The following CTNNA3 variants were observed in gnomAD, a reference collection of about 807,000 sequenced individuals.
The protein encoded by CTNNA3 is catenin alpha-3.
Under a neutral mutation model 95.7 loss-of-function variants are expected in CTNNA3, and 76 were observed. The observed-to-expected ratio is 0.79, with a 90% confidence interval of 0.66 to 0.96. CTNNA3 has a LOEUF of 0.96. Among genes scored for constraint, CTNNA3 ranks in the 40% least tolerant of loss-of-function variants. The pLI, the probability that CTNNA3 is intolerant of heterozygous loss-of-function variation, is 0.00. For missense variants in CTNNA3, 1,191 were observed against 1,089.8 expected (o/e 1.09, Z -1.31); for synonymous variants, 431 against 374.4 (o/e 1.15, Z -1.74).
At chr10:67,607,399 A>C (rs1294349175) in intron 2 of CTNNA3, among the ~76,000 whole-genome samples, 5 of 152,182 alleles carry the variant, frequency 3.3e-5, no homozygotes, top group South Asian at 4.1e-4. Flanking sequence ...AACATAATTA[A>C]ATAAATCAAC....
intron 7 of CTNNA3, among the ~76,000 whole-genome samples, chr10:67,139,527 C>T (rs1215458358): frequency 6.6e-6 from 1 of 151,902 alleles, no homozygotes. Flanking sequence ...ATTCTCCTGC[C>T]TCAGCCTCCT....
intron 7 of CTNNA3, among the ~76,000 whole-genome samples, chr10:66,790,482 G>A (rs1443780391): frequency 6.6e-6 from 1 of 152,060 alleles, no homozygotes; most frequent in Admixed American, 6.6e-5. Context: ...CAATTAACAA[G>A]TAAAGGTGTA....
intron 1 of CTNNA3, among the ~76,000 whole-genome samples, chr10:67,725,194 G>C (rs62769062): frequency 0.06 from 6,465 of 107,732 alleles, 208 homozygotes; most frequent in African/African-American, 0.13. Flanking sequence ...TTTTTTTTTT[G>C]AGACGGGAGT....
chr10:67,378,959 T>C (rs1843805953), intron 5 of CTNNA3, among the ~76,000 whole-genome samples: 1 of 152,200 alleles, frequency 6.6e-6, no homozygotes, highest in Non-Finnish European at 1.5e-5. Flanking sequence ...ACATTTCTGT[T>C]GCCATTTGTC....
intron 7 of CTNNA3, among the ~76,000 whole-genome samples, chr10:67,025,270 T>G (rs1853297582): frequency 1.3e-5 from 2 of 151,902 alleles, no homozygotes; most frequent in Admixed American, 1.3e-4. Flanking sequence ...AACTAAATTC[T>G]GGTATATTTG....
At chr10:65,949,750 T>C (rs1184320953) in intron 17 of CTNNA3, among the ~76,000 whole-genome samples, 2 of 152,182 alleles carry the variant, frequency 1.3e-5, no homozygotes, top group African/African-American at 4.8e-5. Flanking sequence ...AGCGATTGGT[T>C]GTCAGAGCAT....
At chr10:67,647,751 C>A (rs553816447) in intron 1 of CTNNA3, among the ~76,000 whole-genome samples, 1 of 152,280 alleles carries the variant, frequency 6.6e-6, no homozygotes, top group South Asian at 2.1e-4. Flanking sequence ...TTAATCTACA[C>A]AAGTATGTTC....
intron 7 of CTNNA3, among the ~76,000 whole-genome samples, chr10:66,830,649 G>A (rs1021916518): frequency 6.7e-6 from 1 of 148,778 alleles, no homozygotes; most frequent in African/African-American, 2.5e-5. Flanking sequence ...TAGCTCTGTT[G>A]CCCAGGCTGG....
In CTNNA3 at chr10:65,919,271, C is replaced by T. The variant is rs1458606540; in HGVS notation, c.*1059G>A. 6.6e-6 allele frequency: 1 copy of T among 152,064 alleles called. No homozygotes were observed. Among genetic ancestry groups the T allele is most frequent in the Non-Finnish European group, 1.5e-5 (1 of 68,002 alleles). 9.4% of individuals were successfully genotyped at this position (152,064 alleles called of 1,614,324 possible). On this transcript the variant is annotated 3_prime_UTR_variant, in exon 18 of 18. Coordinates refer to ENST00000433211, the MANE Select transcript of CTNNA3 (RefSeq NM_013266.4). ...CACAGTGACTGGAGTTGTAAAATGA[C>T]CCCAGTGACTTTTATTTAAAAGAAC...
chr10:66,825,410 G>A (rs1031153360), intron 7 of CTNNA3, among the ~76,000 whole-genome samples: 1 of 151,192 alleles, frequency 6.6e-6, no homozygotes, highest in African/African-American at 2.4e-5. Context: ...CAAGTAGCTG[G>A]GATTATAGCT....
chr10:66,896,149 C>G (rs771518727), intron 7 of CTNNA3, among the ~76,000 whole-genome samples: 3 of 151,832 alleles, frequency 2.0e-5, no homozygotes, highest in Non-Finnish European at 2.9e-5. Flanking sequence ...ACAATGCATA[C>G]AATAGGAACA....
intron 5 of CTNNA3, among the ~76,000 whole-genome samples, chr10:67,233,769 A>T (rs1188182486): frequency 1.2e-4 from 18 of 151,780 alleles, no homozygotes; most frequent in Non-Finnish European, 2.2e-4. Flanking sequence ...CGCTAGCAAG[A>T]CTAATAAAGA....
chr10:66,616,274 G>C (rs1057238703), intron 10 of CTNNA3, among the ~76,000 whole-genome samples: 2 of 152,052 alleles, frequency 1.3e-5, no homozygotes, highest in Admixed American at 1.3e-4. Context: ...GCAGTGTTGA[G>C]AAACTCCAAA....
chr10:66,260,937 C>A (rs1455966714), intron 13 of CTNNA3, among the ~76,000 whole-genome samples: 1 of 152,086 alleles, frequency 6.6e-6, no homozygotes, highest in African/African-American at 2.4e-5. Flanking sequence ...GCGGCCAAGA[C>A]AAAAGTACCT....
intron 13 of CTNNA3, among the ~76,000 whole-genome samples, chr10:66,109,681 C>T (rs1356438005): frequency 2.0e-5 from 3 of 151,886 alleles, no homozygotes; most frequent in African/African-American, 7.3e-5. Context: ...AAGTCATATC[C>T]CATATAATAA....
chr10:66,883,409 C>T (rs1844920705), intron 7 of CTNNA3, among the ~76,000 whole-genome samples: 1 of 152,078 alleles, frequency 6.6e-6, no homozygotes, highest in African/African-American at 2.4e-5. Context: ...TGATTCCTAC[C>T]ATTTAGAAAG....
intron 5 of CTNNA3, among the ~76,000 whole-genome samples, chr10:67,508,085 C>A (rs1043245078): frequency 5.3e-5 from 8 of 152,108 alleles, no homozygotes; most frequent in Non-Finnish European, 8.8e-5. Context: ...GCAATTGTAG[C>A]TCATTACAAC....
intron 5 of CTNNA3, among the ~76,000 whole-genome samples, chr10:67,275,586 AG>A (rs1490985127): frequency 6.6e-6 from 1 of 152,196 alleles, no homozygotes; most frequent in Non-Finnish European, 1.5e-5. Context: ...GAAAATGATA[AG>A]GATAAAATCA....
chr10:67,319,726 T>C (rs1295591582), intron 5 of CTNNA3, among the ~76,000 whole-genome samples: 1 of 151,796 alleles, frequency 6.6e-6, no homozygotes, highest in Admixed American at 6.6e-5. Flanking sequence ...TAAAACTCCA[T>C]CTCTAATGAA....
Sources: allele counts gnomAD v4.1 joint callset (sites outside exome capture counted in the v4.1 genomes callset), GRCh38; gene constraint gnomAD v4.1.1; transcripts MANE v1.5; gene names NCBI Gene and HGNC (gene_info 2026-07-23, HGNC 2026-07-21).